Variants in WDR93 observed in about 807,000 individuals in gnomAD.
WDR93 encodes WD repeat-containing protein 93.
WDR93 carries 73 observed loss-of-function variants against 82.9 expected under a neutral mutation model. That is an observed-to-expected ratio of 0.88 (90% CI 0.73 to 1.07). The LOEUF is 1.07. WDR93 is among the 50% of genes least tolerant of loss of function. The pLI, the probability that WDR93 is intolerant of heterozygous loss-of-function variation, is 0.00. For synonymous variants in WDR93, 283 were observed against 300.1 expected (o/e 0.94, Z 0.59); for missense variants, 738 against 826.0 (o/e 0.89, Z 1.31).
rs372229587 is a variant in WDR93 at position 89,712,095 on chromosome 15, C to G, written c.631C>G (p.Leu211Val). The change falls in exon 5 of 17, where the codon CTC becomes GTC. Residue 211 changes from leucine (L) to valine (V), a missense_variant. Transcript: ENST00000268130. ...ISQGGDFAAF[L>V]LQGAGDIWLD... ...TCAAGGAGGGGACTTTGCAGCCTTC[C>G]TCCTACAAGGCAAGATTAACCAAAG... 6.2e-7 allele frequency: 1 copy of G among 1,612,208 alleles called. No individual in the cohort carries two copies. Among genetic ancestry groups the G allele is most frequent in the South Asian group, 1.1e-5 (1 of 90,690 alleles).
At chr15:89,723,182 T>C (rs952596636) in intron 8 of WDR93, among the ~76,000 whole-genome samples, 2 of 150,708 alleles carry the variant, frequency 1.3e-5, no homozygotes, top group African/African-American at 2.5e-5. Flanking sequence ...GTCTGGGAGA[T>C]GGGAGTGAAA....
chr15:89,717,043 T>TTG, intron 7 of WDR93, 94 bp downstream of exon 7: 1 of 566,118 alleles, frequency 1.8e-6, no homozygotes, highest in Non-Finnish European at 2.6e-6. Flanking sequence ...TTCTTTTTCT[T>TTG]TCTTTTTTTT....
At position 89,705,135 on chromosome 15, in the gene WDR93, TG is replaced by T. The variant is rs34677556; in HGVS notation, c.497-417del. The T allele has an allele frequency of 1.7e-5, 3 of 174,598 alleles. No individual in the cohort carries two copies. In the South Asian group the frequency reaches 4.3e-4, roughly 25 times the overall value. 10.8% of individuals were successfully genotyped at this position (174,598 alleles called of 1,614,324 possible). A position where few individuals can be genotyped will look rare whatever the true frequency, so the allele number is the denominator to read the frequency against. On this transcript the variant is annotated intron_variant, in intron 3 of 16. Coordinates refer to ENST00000268130, the MANE Select transcript of WDR93 (RefSeq NM_020212.2). ...TGTTGGGATTGAGAGGCAAGACACA[TG>T]GAACAGTGAGCTATGATCTTTCCCT... is the stretch of plus-strand genomic sequence containing the variant.
At chr15:89,727,430 A>G in intron 9 of WDR93, 102 bp downstream of exon 9, 1 of 1,312,392 alleles carries the variant, frequency 7.6e-7, no homozygotes, top group Non-Finnish European at 1.0e-6. Flanking sequence ...TCTGAGATTT[A>G]AAAGCTCTTT....
intron 4 of WDR93, among the ~76,000 whole-genome samples, chr15:89,711,810 C>A (rs1965991600): frequency 6.6e-6 from 1 of 152,198 alleles, no homozygotes; most frequent in Non-Finnish European, 1.5e-5. Context: ...GAAATAAGTT[C>A]AAAAACCTTA....
chr15:89,721,571 C>T (rs192107298), intron 7 of WDR93, among the ~76,000 whole-genome samples: 3 of 152,318 alleles, frequency 2.0e-5, no homozygotes, highest in Admixed American at 2.0e-4. Context: ...CACACGCACA[C>T]ACAAAGTTTC....
rs142040675 is a variant in WDR93, at chr15:89,743,341, C to G, written c.2011C>G (p.Arg671Gly). 1.9e-6 allele frequency: 3 copies of G among 1,614,048 alleles called. No individual in the cohort carries two copies. The highest frequency in any genetic ancestry group is 2.5e-6 in the Non-Finnish European group (3 of 1,180,038). The change falls in exon 17 of 17, where the codon CGG (arginine) becomes GGG (glycine). Residue 671 changes from arginine to glycine, a missense_variant. Transcript: ENST00000268130. The part of the protein sequence containing the change: ...NPEKEEEHWA[R>G]LQRYSLSLQR... The stretch of plus-strand genomic sequence containing the variant: ...AGAGAAGGAGGAGGAGCACTGGGCC[C>G]GGCTTCAGAGGTACTCCTTGTCGCT...
chr15:89,728,223 T>C (rs1296955294), intron 9 of WDR93, among the ~76,000 whole-genome samples: 2 of 152,232 alleles, frequency 1.3e-5, no homozygotes, highest in Non-Finnish European at 2.9e-5. Context: ...AATATATGAC[T>C]TTCCCATCTT....
At chr15:89,741,087 C>G (rs1967633418) in intron 16 of WDR93, among the ~76,000 whole-genome samples, 1 of 152,080 alleles carries the variant, frequency 6.6e-6, no homozygotes, top group Non-Finnish European at 1.5e-5. Context: ...TTACAGTAAG[C>G]TGAGATCATG....
chr15:89,731,209 A>G (rs1966855632), intron 11 of WDR93, among the ~76,000 whole-genome samples: 1 of 152,234 alleles, frequency 6.6e-6, no homozygotes, highest in Admixed American at 6.5e-5. Context: ...CACCTAGGAC[A>G]TACTCATTAA....
chr15:89,708,718 T>C (rs1311399322), intron 4 of WDR93, among the ~76,000 whole-genome samples: 2 of 152,178 alleles, frequency 1.3e-5, no homozygotes, highest in Non-Finnish European at 2.9e-5. Flanking sequence ...TTGAGGTTAT[T>C]GAAGGGTATG....
chr15:89,736,916 C>T lies in WDR93; in HGVS notation c.1609-657C>T, dbSNP rs559648827. 3.3e-5 allele frequency among the ~76,000 whole-genome samples: 5 copies of T among 152,066 alleles called. No homozygotes were observed. The South Asian group carries it at 8.3e-4, about 25-fold the overall frequency. On this transcript the variant is annotated intron_variant, in intron 14 of 16. Coordinates refer to ENST00000268130, the MANE Select transcript of WDR93 (RefSeq NM_020212.2). ...ACACCATTCTCCTGCCTCAGCCTCC[C>T]GAGTAGCTGGGACTACAGGTGCCCG...
At chr15:89,742,178 G>A (rs1002438813) in intron 16 of WDR93, among the ~76,000 whole-genome samples, 6 of 152,168 alleles carry the variant, frequency 3.9e-5, no homozygotes, top group African/African-American at 1.4e-4. Context: ...CTTGACGCCA[G>A]GAGTTCAAGA....
intron 4 of WDR93, among the ~76,000 whole-genome samples, chr15:89,711,286 A>G (rs1040684106): frequency 6.6e-6 from 1 of 152,200 alleles, no homozygotes; most frequent in African/African-American, 2.4e-5. Context: ...ATTCCATAGG[A>G]CAAATGACAC....
chr15:89,715,626 C>T (rs1416015750), intron 6 of WDR93, among the ~76,000 whole-genome samples: 1 of 152,152 alleles, frequency 6.6e-6, no homozygotes, highest in East Asian at 1.9e-4. Flanking sequence ...CTCTGTTGCC[C>T]AGGCTGGAAT....
intron 7 of WDR93, among the ~76,000 whole-genome samples, chr15:89,718,432 C>G (rs1301409151): frequency 1.3e-5 from 2 of 151,826 alleles, no homozygotes; most frequent in Non-Finnish European, 2.9e-5. Flanking sequence ...CGAGATCACA[C>G]CACTGCACTC....
At chr15:89,709,914 A>T (rs1350520752) in intron 4 of WDR93, among the ~76,000 whole-genome samples, 1 of 152,146 alleles carries the variant, frequency 6.6e-6, no homozygotes, top group African/African-American at 2.4e-5. Context: ...TAATCCCAGT[A>T]CTGTGGGAGG....
In WDR93 at chr15:89,729,768, T is replaced by C. The variant is rs375085871; in HGVS notation, c.1209T>C (p.Ala403=). 6.2e-6 allele frequency: 10 copies of C among 1,612,984 alleles called. No individual in the cohort carries two copies. Among genetic ancestry groups the C allele is most frequent in the Non-Finnish European group, 7.6e-6 (9 of 1,179,380 alleles). The change falls in exon 11 of 17, where the codon GCT becomes GCC. Residue 403 remains alanine, a splice_region_variant and synonymous_variant. Transcript: ENST00000268130. ...TAAACCGAACTCTAAAGGATAAAGCTGGTACTTTACTGCTGAGATGGGAGT... is the reference window on the plus strand; with the variant it reads ...TAAACCGAACTCTAAAGGATAAAGCCGGTACTTTACTGCTGAGATGGGAGT... ...YSLNRTLKDK[A]DPEGVWPCAA...
At chr15:89,698,918 A>G (rs1417493400) in intron 1 of WDR93, among the ~76,000 whole-genome samples, 1 of 152,052 alleles carries the variant, frequency 6.6e-6, no homozygotes, top group Non-Finnish European at 1.5e-5. Flanking sequence ...TTGAAACAGG[A>G]TATCTGTCAC....
Sources: gnomAD v4.1 joint callset for allele counts (sites outside exome capture counted in the v4.1 genomes callset) on GRCh38, gnomAD v4.1.1 for gene constraint, MANE v1.5 for transcripts, NCBI Gene and HGNC (gene_info 2026-07-23, HGNC 2026-07-21) for gene names.